MLIP: variants seen among roughly 807,000 people sequenced by gnomAD.
MLIP encodes the protein muscular LMNA-interacting protein.
A neutral mutation model predicts 84.8 loss-of-function variants in MLIP; 79 were observed. The ratio of observed to expected loss-of-function variants is 0.93; its 90% CI spans 0.78 to 1.12. MLIP has a LOEUF of 1.12. Among genes scored for constraint, MLIP ranks in the 50% most tolerant of loss-of-function variants. The pLI is 0.00. For missense variants in MLIP, 1,257 were observed against 1,160.6 expected (o/e 1.08, Z -1.21); for synonymous variants, 504 against 463.0 (o/e 1.09, Z -1.14).
At chr6:54,265,671 T>C (rs1369689653) in intron 13 of MLIP, among the ~76,000 whole-genome samples, 2 of 152,068 alleles carry the variant, frequency 1.3e-5, no homozygotes. Flanking sequence ...CCCCTGCCCC[T>C]CAAAACCATC....
chr6:54,127,515 A>T (rs1339865056), intron 3 of MLIP, among the ~76,000 whole-genome samples: 1 of 152,130 alleles, frequency 6.6e-6, no homozygotes. Flanking sequence ...CTCTCTCCCA[A>T]CATTATTCTG....
upstream of MLIP, among the ~76,000 whole-genome samples, chr6:54,109,232 T>TG (rs372207776): frequency 3.3e-5 from 5 of 151,482 alleles, no homozygotes; most frequent in African/African-American, 4.9e-5. Context: ...TACTTTTTTT[T>TG]GTCTTACTTG....
At chr6:54,062,528 T>A (rs4715439) in intron 1 of MLIP, among the ~76,000 whole-genome samples, 1 of 152,110 alleles carries the variant, frequency 6.6e-6, no homozygotes, top group Non-Finnish European at 1.5e-5. Context: ...ACATCTGAAC[T>A]CTTTGCTATA....
chr6:54,126,426 T>A, intron 3 of MLIP, among the ~76,000 whole-genome samples: 1 of 151,832 alleles, frequency 6.6e-6, no homozygotes, highest in East Asian at 1.9e-4. Context: ...AGGTTATAGT[T>A]CATGTTATTA....
intron 11 of MLIP, among the ~76,000 whole-genome samples, chr6:54,207,150 T>A (rs1317781111): frequency 6.6e-6 from 1 of 151,848 alleles, no homozygotes; most frequent in East Asian, 1.9e-4. Flanking sequence ...TTTTTTTTTT[T>A]AATTTAAGGA....
intron 1 of MLIP, among the ~76,000 whole-genome samples, chr6:54,075,716 A>G (rs1766762520): frequency 6.6e-6 from 1 of 152,188 alleles, no homozygotes; most frequent in Non-Finnish European, 1.5e-5. Flanking sequence ...CAGCTCAGAG[A>G]TATCTCACAA....
chr6:54,091,965 A>G (rs1767901475), intron 1 of MLIP, among the ~76,000 whole-genome samples: 1 of 152,162 alleles, frequency 6.6e-6, no homozygotes, highest in African/African-American at 2.4e-5. Flanking sequence ...GTTTCTGAAT[A>G]CCACTTCATG....
At chr6:54,119,082 C>T (rs1313968556) in intron 1 of MLIP, among the ~76,000 whole-genome samples, 1 of 4,970 alleles carries the variant, frequency 2.0e-4, no homozygotes, top group Non-Finnish European at 0.015. Context: ...AACACTTACA[C>T]ACATTGGTGA....
chr6:54,086,228 C>T (rs1712477177), intron 1 of MLIP, among the ~76,000 whole-genome samples: 1 of 152,106 alleles, frequency 6.6e-6, no homozygotes, highest in African/African-American at 2.4e-5. Context: ...TTATAACTTC[C>T]ACATTTACAT....
chr6:54,141,468 G>A (rs142046972), intron 4 of MLIP, among the ~76,000 whole-genome samples: 10,745 of 151,886 alleles, frequency 0.071, 549 homozygotes, highest in East Asian at 0.23. Context: ...CATAACATCC[G>A]GCTAATTTTT....
intron 12 of MLIP, among the ~76,000 whole-genome samples, chr6:54,239,519 C>T (rs998754802): frequency 2.3e-4 from 35 of 151,010 alleles, no homozygotes; most frequent in African/African-American, 7.8e-4. Flanking sequence ...GCCTGTAATC[C>T]TAGCACTTTG....
At chr6:54,063,633 A>C (rs765676457) in intron 1 of MLIP, among the ~76,000 whole-genome samples, 2 of 152,022 alleles carry the variant, frequency 1.3e-5, no homozygotes, top group East Asian at 3.9e-4. Flanking sequence ...AATTTGTCCA[A>C]GGTAGATTCA....
intron 8 of MLIP, among the ~76,000 whole-genome samples, chr6:54,162,807 A>G (rs1453604502): frequency 6.6e-6 from 1 of 151,940 alleles, no homozygotes; most frequent in Non-Finnish European, 1.5e-5. Context: ...AGCTGATCAG[A>G]GATATTTGAG....
At chr6:54,187,013 A>G (rs1777461692) in intron 9 of MLIP, among the ~76,000 whole-genome samples, 1 of 152,200 alleles carries the variant, frequency 6.6e-6, no homozygotes, top group Non-Finnish European at 1.5e-5. Flanking sequence ...TGAAGCATGA[A>G]AAAGAAAAAA....
intron 12 of MLIP, among the ~76,000 whole-genome samples, chr6:54,234,046 T>G (rs941071401): frequency 6.6e-6 from 1 of 152,206 alleles, no homozygotes. Context: ...ATGGGGTTGT[T>G]TGTTTTTTTC....
At chr6:54,259,487 G>T (rs1008399173) in intron 13 of MLIP, among the ~76,000 whole-genome samples, 14 of 151,854 alleles carry the variant, frequency 9.2e-5, no homozygotes, top group African/African-American at 3.4e-4. Context: ...AGCCAGTTCA[G>T]ATAATAAATT....
At position 54,064,742 on chromosome 6, in the gene MLIP, A is replaced by G. The variant is rs1429864959; in HGVS notation, c.63+45651A>G. Among the ~76,000 whole-genome samples the G allele has an allele frequency of 3.1e-5, 3 of 97,988 alleles. 1 individual carries two copies. Among genetic ancestry groups the G allele is most frequent in the Admixed American group, 2.9e-4 (3 of 10,406 alleles). The allele number at this position is 97,988 out of a possible 152,430, so 64.3% of individuals were successfully genotyped here. A position where few individuals can be genotyped will look rare whatever the true frequency, so the allele number is the denominator to read the frequency against. On this transcript the variant is annotated intron_variant, in intron 1 of 12. Transcript: ENST00000274897. ...TTACTTCTGAGTTTAGGTTTGGGGG[A>G]CTCTAGAGTTAGCAAGCAGCTGCCT...
chr6:54,091,027 G>A (rs1730299171), intron 1 of MLIP, among the ~76,000 whole-genome samples: 1 of 152,036 alleles, frequency 6.6e-6, no homozygotes, highest in Non-Finnish European at 1.5e-5. Context: ...GCCAGGAACC[G>A]TGCTGTGAGT....
intron 1 of MLIP, among the ~76,000 whole-genome samples, chr6:54,050,095 A>T (rs1475050880): frequency 6.6e-6 from 1 of 152,090 alleles, no homozygotes; most frequent in Admixed American, 6.6e-5. Context: ...TCATTGATTT[A>T]TTCATTTTCT....
Sources: allele counts gnomAD v4.1 joint callset (sites outside exome capture counted in the v4.1 genomes callset), GRCh38; gene constraint gnomAD v4.1.1; transcripts MANE v1.5; gene names NCBI Gene and HGNC (gene_info 2026-07-23, HGNC 2026-07-21).